The following KIAA1217 variants were observed in gnomAD, a reference collection of about 807,000 sequenced individuals.
KIAA1217 encodes the protein sickle tail protein homolog.
Under a neutral mutation model 163.9 loss-of-function variants are expected in KIAA1217, and 88 were observed. That is an observed-to-expected ratio of 0.54 (90% confidence interval 0.45 to 0.64). The LOEUF (loss-of-function observed/expected upper bound fraction) is 0.64. Among genes scored for constraint, KIAA1217 ranks in the 30% least tolerant of loss-of-function variants. The pLI is 0.00. For missense variants in KIAA1217, 2,372 were observed against 2,475.0 expected (o/e 0.96, Z 0.88); for synonymous variants, 903 against 923.1 (o/e 0.98, Z 0.39).
chr10:24,039,084 A>C (rs763236739), intron 2 of KIAA1217, among the ~76,000 whole-genome samples: 58 of 152,020 alleles, frequency 3.8e-4, no homozygotes, highest in Non-Finnish European at 6.8e-4. Flanking sequence ...TCTCTTGGGC[A>C]TTTTCCAGAA....
chr10:23,879,021 ATC>A (rs1840831571), intron 1 of KIAA1217, among the ~76,000 whole-genome samples: 1 of 151,982 alleles, frequency 6.6e-6, no homozygotes, highest in Non-Finnish European at 1.5e-5. Context: ...TTTATTAGAC[ATC>A]CACGTGTAGA....
At chr10:24,433,698 C>T (rs111648958) in intron 4 of KIAA1217, among the ~76,000 whole-genome samples, 119 of 152,138 alleles carry the variant, frequency 7.8e-4, no homozygotes, top group Non-Finnish European at 1.3e-3. Flanking sequence ...CCAATTCCCC[C>T]TCAAGTGTTC....
intron 2 of KIAA1217, among the ~76,000 whole-genome samples, chr10:24,294,756 A>G (rs942536123): frequency 1.3e-5 from 2 of 152,110 alleles, no homozygotes; most frequent in African/African-American, 4.8e-5. Flanking sequence ...TACTTCAGAG[A>G]CTTCTGATGT....
intron 2 of KIAA1217, chr10:24,255,438 A>T: frequency 2.3e-6 from 1 of 444,352 alleles, no homozygotes; most frequent in Admixed American, 2.4e-5. Flanking sequence ...TGGGCTCAGC[A>T]CTGGACTGCT....
At chr10:23,707,302 A>C (rs1166650674) in intron 1 of KIAA1217, among the ~76,000 whole-genome samples, 1 of 152,206 alleles carries the variant, frequency 6.6e-6, no homozygotes, top group Non-Finnish European at 1.5e-5. Context: ...AAGGAAGGCC[A>C]GTGCTGGGGG....
chr10:24,066,730 C>A (rs1564658318), intron 2 of KIAA1217, among the ~76,000 whole-genome samples: 2 of 152,210 alleles, frequency 1.3e-5, no homozygotes, highest in Non-Finnish European at 2.9e-5. Flanking sequence ...TAATATCCTG[C>A]AGAGTGTTTT....
At chr10:24,234,059 G>A (rs982050344) in intron 2 of KIAA1217, among the ~76,000 whole-genome samples, 2 of 151,802 alleles carry the variant, frequency 1.3e-5, no homozygotes, top group East Asian at 3.9e-4. Context: ...CATCTGTCAG[G>A]TATGCCTTAT....
chr10:23,880,715 A>G (rs1403940129), intron 1 of KIAA1217, among the ~76,000 whole-genome samples: 3 of 151,992 alleles, frequency 2.0e-5, no homozygotes, highest in Non-Finnish European at 4.4e-5. Flanking sequence ...CTTTTAATCC[A>G]TAAATATATA....
In KIAA1217 at chr10:24,438,478, G is replaced by A; in HGVS notation, c.845G>A (p.Arg282Lys). The A allele has an allele frequency of 6.2e-7, 1 of 1,600,502 alleles. No homozygotes were observed. The highest frequency in any genetic ancestry group is 8.6e-7 in the Non-Finnish European group (1 of 1,167,652). Residue 282 changes from arginine (R) to lysine (K), a missense_variant and splice_region_variant, in exon 5 of 21, where the codon AGG becomes AAG. Coordinates refer to ENST00000376454, the MANE Select transcript of KIAA1217 (RefSeq NM_019590.5). The stretch of plus-strand genomic sequence containing the variant: ...CCAAAAACTATGAATGGAGACATGA[G>A]GGTAAGTGTTTCTGTCATATTTTTA... ...HTPKTMNGDMRMQRELVYARG... is the reference protein window; with the variant it reads ...HTPKTMNGDMKMQRELVYARG...
At chr10:24,389,221 A>G (rs1427374277) in intron 3 of KIAA1217, among the ~76,000 whole-genome samples, 2 of 152,226 alleles carry the variant, frequency 1.3e-5, no homozygotes, top group African/African-American at 2.4e-5. Flanking sequence ...CTATGTAGCC[A>G]TAAAAAAGGA....
Position 24,180,280 on chromosome 10 carries a change from CTTTTT to C in KIAA1217, c.-170-39326_-170-39322del, listed in dbSNP as rs34268461. Among the ~76,000 whole-genome samples the C allele has an allele frequency of 4.3e-3, 356 of 83,184 alleles. 1 individual carries two copies. Among genetic ancestry groups the C allele is most frequent in the African/African-American group, 0.015 (331 of 22,014 alleles). 54.6% of individuals were successfully genotyped at this position (83,184 alleles called of 152,430 possible). A position where few individuals can be genotyped will look rare whatever the true frequency, so the allele number is the denominator to read the frequency against. On this transcript the variant is annotated intron_variant, in intron 2 of 18. Coordinates refer to the KIAA1217 transcript ENST00000376462. ...GCTATATCCTCAACTCCTCAACCTT[CTTTTT>C]TTTTTTTTTTTTTTTTTTTGAGACA...
chr10:24,422,316 G>A (rs1477616830), intron 3 of KIAA1217, among the ~76,000 whole-genome samples: 1 of 152,100 alleles, frequency 6.6e-6, no homozygotes, highest in Middle Eastern at 3.2e-3. Flanking sequence ...GTTTATACTA[G>A]CCTTATAACA....
chr10:24,460,035 G>A (rs1040297173), intron 5 of KIAA1217, among the ~76,000 whole-genome samples: 5 of 152,336 alleles, frequency 3.3e-5, no homozygotes, highest in Admixed American at 1.3e-4. Flanking sequence ...TCACCCTGCT[G>A]TGCCGACTGC....
intron 1 of KIAA1217, among the ~76,000 whole-genome samples, chr10:23,845,365 C>T (rs987271779): frequency 6.6e-6 from 1 of 152,106 alleles, no homozygotes; most frequent in South Asian, 2.1e-4. Flanking sequence ...AGTGTAAAAG[C>T]ATTCCTATTT....
intron 1 of KIAA1217, among the ~76,000 whole-genome samples, chr10:23,994,707 T>C (rs1201753721): frequency 1.3e-5 from 2 of 152,196 alleles, no homozygotes; most frequent in African/African-American, 4.8e-5. Flanking sequence ...TTGACCAAAG[T>C]CAAATCCGAA....
At chr10:24,159,774 C>T (rs1383017739) in intron 2 of KIAA1217, among the ~76,000 whole-genome samples, 4 of 151,828 alleles carry the variant, frequency 2.6e-5, no homozygotes, top group Non-Finnish European at 4.4e-5. Flanking sequence ...CAGAGCTAGA[C>T]TCCGTCTCAA....
intron 2 of KIAA1217, among the ~76,000 whole-genome samples, chr10:24,067,409 T>A (rs1425858274): frequency 2.0e-5 from 3 of 152,188 alleles, no homozygotes; most frequent in Admixed American, 6.5e-5. Flanking sequence ...GGAGGTCCAC[T>A]CCAGACCCTG....
chr10:24,544,459 C>G lies in KIAA1217; in HGVS notation c.5189C>G (p.Ser1730Trp). The part of the protein sequence containing the change: ...EGPTALEPPT[S>W]IPSASRKGSS... ...CCCACTGCCCTAGAGCCCCCTACGT[C>G]GATACCTTCAGCTTCACGTAAGGTA... Residue 1730 changes from serine to tryptophan, a missense_variant, in exon 19 of 21, where the codon TCG becomes TGG. Ser to Trp is a radical substitution (Grantham distance 177). Around this residue, in one of 3 missense-constraint regions of KIAA1217, gnomAD observed 690 missense variants for 677.5 expected, o/e 1.02. Coordinates refer to ENST00000376454, the MANE Select transcript of KIAA1217 (RefSeq NM_019590.5). The G allele has an allele frequency of 6.2e-7, 1 of 1,612,946 alleles. No individual in the cohort carries two copies. The highest frequency in any genetic ancestry group is 8.5e-7 in the Non-Finnish European group (1 of 1,179,280).
intron 3 of KIAA1217, among the ~76,000 whole-genome samples, chr10:24,412,929 C>T (rs951672081): frequency 1.1e-4 from 16 of 152,202 alleles, no homozygotes; most frequent in African/African-American, 3.4e-4. Flanking sequence ...CCACAGTTTT[C>T]CCCATCTCAA....
Sources: gnomAD v4.1 joint callset for allele counts (sites outside exome capture counted in the v4.1 genomes callset) on GRCh38, gnomAD v4.1.1 for gene constraint, gnomAD v4.1.1 regional missense constraint, MANE v1.5 for transcripts, NCBI Gene and HGNC (gene_info 2026-07-23, HGNC 2026-07-21) for gene names.